The following KHDRBS2 variants were observed in gnomAD, a reference collection of about 807,000 sequenced individuals.
KHDRBS2 encodes KH RNA binding domain containing, signal transduction associated 2.
In KHDRBS2, 26 loss-of-function variants were observed where a neutral mutation model predicts 44.3. The ratio of observed to expected loss-of-function variants is 0.59; its 90% CI spans 0.43 to 0.81. KHDRBS2 has a LOEUF of 0.81. Among genes scored for constraint, KHDRBS2 ranks in the 40% least tolerant of loss-of-function variants. The pLI is 0.00. For missense variants in KHDRBS2, 476 were observed against 433.1 expected (o/e 1.10, Z -0.88); for synonymous variants, 194 against 151.1 (o/e 1.28, Z -2.08).
At chr6:61,782,333 C>CT (rs1255082109) in intron 6 of KHDRBS2, among the ~76,000 whole-genome samples, 3 of 152,072 alleles carry the variant, frequency 2.0e-5, no homozygotes, top group Non-Finnish European at 4.4e-5. Context: ...GATCAACCAA[C>CT]TCATTCGAGT....
chr6:62,190,117 T>A (rs1824289630), intron 1 of KHDRBS2, among the ~76,000 whole-genome samples: 1 of 151,902 alleles, frequency 6.6e-6, no homozygotes, highest in Non-Finnish European at 1.5e-5. Context: ...GAAGGGGCAA[T>A]GAATGCAAGA....
chr6:62,230,142 C>A (rs1349792355), intron 1 of KHDRBS2, among the ~76,000 whole-genome samples: 1 of 152,128 alleles, frequency 6.6e-6, no homozygotes, highest in African/African-American at 2.4e-5. Context: ...ACCTGAAAAG[C>A]CTTCCTGTAT....
the KHDRBS2 span, among the ~76,000 whole-genome samples, chr6:61,649,045 C>T: frequency 2.0e-5 from 3 of 151,982 alleles, no homozygotes; most frequent in African/African-American, 4.8e-5. Context: ...GTAGCTTTAC[C>T]GGGGGCTGCT....
At chr6:61,625,674 C>T in the KHDRBS2 span, among the ~76,000 whole-genome samples, 3,979 of 152,184 alleles carry the variant, frequency 0.026, 172 homozygotes, top group African/African-American at 0.091. Context: ...TCTGTTTTCA[C>T]AGATGTCAGA....
intron 6 of KHDRBS2, among the ~76,000 whole-genome samples, chr6:61,797,356 G>A (rs1204188571): frequency 6.6e-6 from 1 of 152,070 alleles, no homozygotes; most frequent in African/African-American, 2.4e-5. Flanking sequence ...CAGTAAGGTA[G>A]GTATTTATAT....
intron 2 of KHDRBS2, among the ~76,000 whole-genome samples, chr6:62,105,193 A>C (rs1453467196): frequency 6.6e-6 from 1 of 152,148 alleles, no homozygotes. Context: ...TCTATCAAAC[A>C]CTTAAAATAG....
intron 2 of KHDRBS2, among the ~76,000 whole-genome samples, chr6:62,175,782 CT>C (rs1422029220): frequency 6.6e-6 from 1 of 151,444 alleles, no homozygotes; most frequent in African/African-American, 2.4e-5. Context: ...ATTCATCATT[CT>C]GAATCAAACA....
chr6:61,894,481 AT>A (rs1802546008), intron 6 of KHDRBS2, among the ~76,000 whole-genome samples, 153 bp downstream of exon 6: 1 of 152,232 alleles, frequency 6.6e-6, no homozygotes, highest in Non-Finnish European at 1.5e-5. Context: ...AAATGCTCTC[AT>A]TTAAATGCAC....
At chr6:62,220,386 T>C (rs920648681) in intron 1 of KHDRBS2, among the ~76,000 whole-genome samples, 14 of 151,982 alleles carry the variant, frequency 9.2e-5, no homozygotes, top group African/African-American at 1.9e-4. Context: ...CAATTTTCTT[T>C]AGTAAAACAG....
At position 62,200,561 on chromosome 6, in the gene KHDRBS2, C is replaced by T. The variant is rs571336663; in HGVS notation, c.92-23249G>A. On this transcript the variant is annotated intron_variant, in intron 1 of 8. Transcript: ENST00000281156. ...TACCATCTCACACCAGTTAGAATGG[C>T]GATCATTAAAAAGTCAGGAAACAAT... 3.1e-3 allele frequency among the ~76,000 whole-genome samples: 470 copies of T among 152,146 alleles called. 3 individuals are homozygous for T. Among genetic ancestry groups the T allele is most frequent in the Non-Finnish European group, 4.7e-3 (321 of 67,994 alleles).
chr6:62,214,001 T>C (rs978471380), intron 1 of KHDRBS2, among the ~76,000 whole-genome samples: 5 of 151,736 alleles, frequency 3.3e-5, no homozygotes, highest in African/African-American at 1.2e-4. Context: ...TATTTAGCCA[T>C]TTAAGTATAA....
At chr6:61,985,962 G>A (rs868064365) in intron 3 of KHDRBS2, among the ~76,000 whole-genome samples, 4 of 152,142 alleles carry the variant, frequency 2.6e-5, no homozygotes, top group Middle Eastern at 6.8e-3. Context: ...GTAATTTAAT[G>A]TTTATAGAAC....
intron 8 of KHDRBS2, among the ~76,000 whole-genome samples, chr6:61,684,662 C>A (rs2127539250): frequency 6.6e-6 from 1 of 151,844 alleles, no homozygotes; most frequent in South Asian, 2.1e-4. Context: ...ATATCAGGAT[C>A]ATTGTCACAT....
At chr6:62,030,709 CAT>C (rs1029690365) in intron 3 of KHDRBS2, among the ~76,000 whole-genome samples, 15 of 151,970 alleles carry the variant, frequency 9.9e-5, no homozygotes, top group Non-Finnish European at 1.5e-4. Context: ...CTAAAAAATT[CAT>C]AGTCTTGTGA....
intron 6 of KHDRBS2, among the ~76,000 whole-genome samples, chr6:61,773,153 C>G (rs895031330): frequency 8.6e-5 from 13 of 151,786 alleles, no homozygotes; most frequent in Non-Finnish European, 1.8e-4. Flanking sequence ...TGGGTATATA[C>G]CCAGTAATGG....
intron 4 of KHDRBS2, among the ~76,000 whole-genome samples, chr6:61,902,844 A>G (rs1169870355): frequency 1.3e-5 from 2 of 151,628 alleles, no homozygotes; most frequent in Non-Finnish European, 3.0e-5. Context: ...CTGTCTAGAA[A>G]ATGGCAGGGA....
chr6:61,849,964 T>C (rs1795196278), intron 6 of KHDRBS2, among the ~76,000 whole-genome samples: 1 of 152,112 alleles, frequency 6.6e-6, no homozygotes, highest in African/African-American at 2.4e-5. Context: ...TGTCTGAACT[T>C]TGACAAACAA....
At chr6:62,209,560 T>C (rs1828661172) in intron 1 of KHDRBS2, among the ~76,000 whole-genome samples, 1 of 152,156 alleles carries the variant, frequency 6.6e-6, no homozygotes, top group African/African-American at 2.4e-5. Context: ...ATATGCCCTA[T>C]GTGATGGTTA....
chr6:62,008,569 T>G (rs971097230), intron 3 of KHDRBS2, among the ~76,000 whole-genome samples: 6 of 152,170 alleles, frequency 3.9e-5, no homozygotes, highest in Admixed American at 6.6e-5. Flanking sequence ...GGGATGGAAT[T>G]ATCAAACAGT....
Sources: allele counts gnomAD v4.1 joint callset (sites outside exome capture counted in the v4.1 genomes callset), GRCh38; gene constraint gnomAD v4.1.1; transcripts MANE v1.5; gene names NCBI Gene and HGNC (gene_info 2026-07-23, HGNC 2026-07-21).